COL22A1: variants seen among roughly 807,000 people sequenced by gnomAD.
COL22A1 encodes collagen alpha-1(XXII) chain.
Under a neutral mutation model 248.9 loss-of-function variants are expected in COL22A1, and 221 were observed. That is an observed-to-expected ratio of 0.89 (90% confidence interval 0.80 to 0.99). COL22A1 has a LOEUF of 0.99. Ranked by LOEUF, COL22A1 falls within the 50% of genes least tolerant of loss-of-function variation. The pLI, the probability that COL22A1 is intolerant of heterozygous loss-of-function variation, is 0.00. For missense variants in COL22A1, 2,240 were observed against 2,179.0 expected (o/e 1.03, Z -0.56); for synonymous variants, 891 against 793.4 (o/e 1.12, Z -2.07).
intron 4 of COL22A1, among the ~76,000 whole-genome samples, chr8:138,843,533 T>C (rs1172055828): frequency 6.6e-6 from 1 of 152,154 alleles, no homozygotes; most frequent in Admixed American, 6.5e-5. Flanking sequence ...ACTGGATCCA[T>C]GTTCGGGTAA....
At chr8:138,832,185 T>C (rs1420410810) in intron 5 of COL22A1, among the ~76,000 whole-genome samples, 1 of 152,150 alleles carries the variant, frequency 6.6e-6, no homozygotes, top group Non-Finnish European at 1.5e-5. Context: ...ATCCACCCTT[T>C]GTTTAGCATA....
chr8:138,805,255 T>G (rs982302370), intron 10 of COL22A1, among the ~76,000 whole-genome samples: 2 of 144,432 alleles, frequency 1.4e-5, no homozygotes, highest in Non-Finnish European at 3.0e-5. Flanking sequence ...TGTCTGATGA[T>G]GTGAGCATGC....
chr8:138,804,829 GGT>G (rs1490883861), intron 10 of COL22A1, among the ~76,000 whole-genome samples: 3 of 149,052 alleles, frequency 2.0e-5, no homozygotes, highest in Admixed American at 1.3e-4. Context: ...TGTGATATGG[GGT>G]GTGTGTGTGC....
In COL22A1 at chr8:138,771,735, T is replaced by C. The variant is rs1016531712; in HGVS notation, c.1803+4231A>G. Among the ~76,000 whole-genome samples, 4 of 152,328 alleles carry C rather than the reference T, an allele frequency of 2.6e-5. No homozygotes were observed. In the South Asian group the frequency reaches 8.3e-4, roughly 32 times the overall value. On this transcript the variant is annotated intron_variant, in intron 16 of 64. Transcript: ENST00000303045. ...TATGGACCGGACGCTGTTCCTGTTA[T>C]CCACCTTCCAACGGCTTCAGAGAAG...
intron 30 of COL22A1, among the ~76,000 whole-genome samples, chr8:138,715,021 C>T (rs757972960): frequency 7.9e-5 from 12 of 152,226 alleles, no homozygotes; most frequent in Non-Finnish European, 1.5e-4. Context: ...AGAGATTGAA[C>T]GTAAACAGGC....
chr8:138,664,223 A>G (rs1302333712), intron 41 of COL22A1, among the ~76,000 whole-genome samples: 4,154 of 145,838 alleles, frequency 0.028, 122 homozygotes, highest in African/African-American at 0.037. Context: ...ACACACACAC[A>G]CACACACACA....
intron 23 of COL22A1, among the ~76,000 whole-genome samples, chr8:138,727,449 G>A (rs1401555769): frequency 2.0e-5 from 3 of 152,200 alleles, no homozygotes; most frequent in African/African-American, 7.2e-5. Context: ...TTATCCTAGG[G>A]TGTGGCATCC....
intron 1 of COL22A1, among the ~76,000 whole-genome samples, chr8:138,906,309 G>C (rs1815009062): frequency 6.6e-6 from 1 of 151,482 alleles, no homozygotes. Context: ...GGCGGAGCTT[G>C]CAGTGAGCGG....
intron 52 of COL22A1, among the ~76,000 whole-genome samples, chr8:138,622,736 C>G (rs1411638413): frequency 6.6e-6 from 1 of 152,096 alleles, no homozygotes; most frequent in African/African-American, 2.4e-5. Context: ...TTGTTTTACT[C>G]TTTGCTTTTC....
At chr8:138,873,090 A>T (rs1046279635) in intron 3 of COL22A1, among the ~76,000 whole-genome samples, 2 of 151,678 alleles carry the variant, frequency 1.3e-5, no homozygotes, top group African/African-American at 4.8e-5. Flanking sequence ...GAAAGCACTC[A>T]CTCTTAGGCA....
intron 62 of COL22A1, among the ~76,000 whole-genome samples, chr8:138,594,890 T>C (rs1231542864): frequency 2.0e-5 from 3 of 152,146 alleles, no homozygotes; most frequent in Non-Finnish European, 2.9e-5. Context: ...GGGCTGGACA[T>C]GATGGTCACT....
At chr8:138,740,233 G>C (rs1361332631) in intron 22 of COL22A1, among the ~76,000 whole-genome samples, 1 of 152,212 alleles carries the variant, frequency 6.6e-6, no homozygotes, top group Non-Finnish European at 1.5e-5. Context: ...ATAATCATCG[G>C]AAGTTAGAAT....
intron 43 of COL22A1, among the ~76,000 whole-genome samples, chr8:138,660,811 TACAC>T (rs1421790002): frequency 0.039 from 2,278 of 59,132 alleles, 51 homozygotes; most frequent in African/African-American, 0.078. Context: ...CAGACACACA[TACAC>T]ACATACACAC....
At chr8:138,692,296 T>A (rs1827117975) in intron 35 of COL22A1, among the ~76,000 whole-genome samples, 1 of 11,656 alleles carries the variant, frequency 8.6e-5, no homozygotes, top group Admixed American at 1.1e-3. Context: ...GTGTGCATGT[T>A]TGCGGAGGTG....
intron 1 of COL22A1, among the ~76,000 whole-genome samples, chr8:138,894,204 C>T (rs1825246608): frequency 1.3e-5 from 2 of 152,192 alleles, no homozygotes; most frequent in South Asian, 2.1e-4. Flanking sequence ...AAGGTTCAGA[C>T]ATGCTTGGAT....
chr8:138,708,187 A>G (rs1190580573), intron 30 of COL22A1, among the ~76,000 whole-genome samples: 3 of 152,208 alleles, frequency 2.0e-5, no homozygotes. Context: ...GGAAGAATCA[A>G]TATTGTGAAA....
intron 16 of COL22A1, among the ~76,000 whole-genome samples, chr8:138,763,600 C>T (rs1302583664): frequency 1.3e-5 from 2 of 152,018 alleles, no homozygotes; most frequent in Non-Finnish European, 2.9e-5. Flanking sequence ...GCAAGAACTC[C>T]GTGGGGCAGA....
intron 49 of COL22A1, among the ~76,000 whole-genome samples, chr8:138,633,187 G>A (rs1287765117): frequency 6.6e-6 from 1 of 152,220 alleles, no homozygotes; most frequent in Non-Finnish European, 1.5e-5. Context: ...ATGATTGGCT[G>A]CTGAACCTAA....
At chr8:138,818,295 A>T (rs1818841668) in intron 7 of COL22A1, among the ~76,000 whole-genome samples, 1 of 152,166 alleles carries the variant, frequency 6.6e-6, no homozygotes, top group South Asian at 2.1e-4. Flanking sequence ...TGGCTGCCCA[A>T]GACAGGGAAC....
Sources: gnomAD v4.1 joint callset for allele counts (sites outside exome capture counted in the v4.1 genomes callset) on GRCh38, gnomAD v4.1.1 for gene constraint, MANE v1.5 for transcripts, NCBI Gene and HGNC (gene_info 2026-07-23, HGNC 2026-07-21) for gene names.